Variants in MBOAT1 observed in about 807,000 individuals in gnomAD.
MBOAT1 encodes membrane bound glycerophospholipid O-acyltransferase 1, also known as membrane-bound glycerophospholipid O-acyltransferase 1.
Under a neutral mutation model 64.4 loss-of-function variants are expected in MBOAT1, and 67 were observed. That is an observed-to-expected ratio of 1.04 (90% CI 0.85 to 1.27). The LOEUF is 1.27. MBOAT1 is among the 50% of genes most tolerant of loss of function. The pLI is 0.00. For synonymous variants in MBOAT1, 229 were observed against 218.9 expected (o/e 1.05, Z -0.41); for missense variants, 563 against 604.6 (o/e 0.93, Z 0.72).
intron 1 of MBOAT1, among the ~76,000 whole-genome samples, chr6:20,162,231 C>T (rs965967494): frequency 6.6e-6 from 1 of 152,170 alleles, no homozygotes; most frequent in Admixed American, 6.5e-5. Context: ...ATTTGGCCCA[C>T]AACACTGCCC....
Position 20,109,586 on chromosome 6 carries a change from A to G in MBOAT1, c.1361+12T>C. On this transcript the variant is annotated intron_variant, in intron 12 of 12. Coordinates refer to ENST00000324607, the MANE Select transcript of MBOAT1 (RefSeq NM_001080480.3). ...ATTTACGAGATGGCAACTGAGAACA[A>G]CGGAAACTTACTTGTATAAGCTGAT... 1.2e-6 allele frequency: 2 copies of G among 1,605,324 alleles called. No individual in the cohort carries two copies. The highest frequency in any genetic ancestry group is 1.7e-6 in the Non-Finnish European group (2 of 1,174,398).
chr6:20,183,086 T>C (rs1195871307), intron 1 of MBOAT1, among the ~76,000 whole-genome samples: 1 of 152,156 alleles, frequency 6.6e-6, no homozygotes, highest in Non-Finnish European at 1.5e-5. Flanking sequence ...GGCCAACCTG[T>C]AGCCACAGAG....
intron 3 of MBOAT1, among the ~76,000 whole-genome samples, chr6:20,145,183 C>A (rs763156756): frequency 1.3e-5 from 2 of 151,918 alleles, no homozygotes. Context: ...GAGAGCAGAG[C>A]CTTCATAAAT....
chr6:20,154,269 C>T lies in MBOAT1; in HGVS notation c.100-1500G>A, dbSNP rs553465621. Among the ~76,000 whole-genome samples the T allele has an allele frequency of 9.2e-5, 14 of 152,306 alleles. No individual in the cohort carries two copies. In the South Asian group the frequency reaches 2.3e-3, roughly 25 times the overall value. On this transcript the variant is annotated intron_variant, in intron 1 of 12. Transcript: ENST00000324607. ...ACCGTTGGCCAGGCGCGGTGGCTCA[C>T]GCCTGTAATCCCAGCACTTTGGGAA...
At chr6:20,117,907 G>C (rs1488500880) in intron 9 of MBOAT1, among the ~76,000 whole-genome samples, 3 of 152,172 alleles carry the variant, frequency 2.0e-5, no homozygotes, top group Non-Finnish European at 2.9e-5. Context: ...AATGAGAGCA[G>C]ACCAAAAATT....
At position 20,113,134 on chromosome 6, in the gene MBOAT1, C is replaced by T. The variant is rs536032061; in HGVS notation, c.1077-126G>A. 7.6e-5 allele frequency: 89 copies of T among 1,166,970 alleles called. 2 individuals carry two copies. In the South Asian group the frequency reaches 1.4e-3, roughly 18 times the overall value. 72.3% of individuals were successfully genotyped at this position (1,166,970 alleles called of 1,614,324 possible). A position where few individuals can be genotyped will look rare whatever the true frequency, so the allele number is the denominator to read the frequency against. On this transcript the variant is annotated intron_variant, in intron 10 of 12. Coordinates refer to ENST00000324607, the MANE Select transcript of MBOAT1 (RefSeq NM_001080480.3). ...GTTACTGATGAGATGCCTCCCTAAC[C>T]GTCTTCGGGGACTTGCAGTGCAATC...
intron 8 of MBOAT1, among the ~76,000 whole-genome samples, chr6:20,120,270 T>C (rs1374231237): frequency 6.6e-6 from 1 of 152,076 alleles, no homozygotes; most frequent in Non-Finnish European, 1.5e-5. Context: ...TAAAGGGCTG[T>C]TGAAAGGATT....
chr6:20,180,850 C>G (rs561411995), intron 1 of MBOAT1, among the ~76,000 whole-genome samples: 1 of 152,276 alleles, frequency 6.6e-6, no homozygotes, highest in South Asian at 2.1e-4. Flanking sequence ...AATGGCATCT[C>G]TTACATAAAC....
At chr6:20,190,186 A>G (rs1041260215) in intron 1 of MBOAT1, among the ~76,000 whole-genome samples, 3 of 151,786 alleles carry the variant, frequency 2.0e-5, no homozygotes, top group Non-Finnish European at 4.4e-5. Flanking sequence ...GTAGAGATGG[A>G]GTTCCACTAT....
In MBOAT1 at chr6:20,149,015, C is replaced by T. The variant is rs1761410944; in HGVS notation, c.323+2170G>A. Among the ~76,000 whole-genome samples, 3 of 150,348 alleles carry T rather than the reference C, an allele frequency of 2.0e-5. No individual in the cohort carries two copies. The Admixed American group carries it at 2.0e-4, about 10-fold the overall frequency. The stretch of plus-strand genomic sequence containing the variant: ...ACTCGGAAGGCTGAGGCAGGAAAAT[C>T]ACTTGAACCCGGGAGGTGGAGGTTG... On this transcript the variant is annotated intron_variant, in intron 3 of 12. Coordinates refer to ENST00000324607, the MANE Select transcript of MBOAT1 (RefSeq NM_001080480.3).
rs1016650323 is a variant in MBOAT1 at position 20,212,339 on chromosome 6, G to A, written c.-105C>T. 125 of 1,030,780 alleles carry A rather than the reference G, an allele frequency of 1.2e-4. No individual in the cohort carries two copies. The highest frequency in any genetic ancestry group is 4.4e-4 in the Admixed American group (19 of 42,810). 63.9% of individuals were successfully genotyped at this position (1,030,780 alleles called of 1,614,324 possible). On this transcript the variant is annotated 5_prime_UTR_variant, in exon 1 of 13. Transcript: ENST00000324607. ...GGGTGGTTGCCCCGAGAGGCGCACG[G>A]CCGCCTGGTTCGCGGGGGAGCGAAC...
At chr6:20,124,702 C>G in intron 7 of MBOAT1, 102 bp from the exon 8 acceptor site, 1 of 1,036,184 alleles carries the variant, frequency 9.7e-7, no homozygotes, top group East Asian at 2.4e-5. Context: ...CCAACAGCTG[C>G]TTGGCATTAT....
intron 1 of MBOAT1, among the ~76,000 whole-genome samples, chr6:20,207,251 T>C (rs1210022207): frequency 6.6e-6 from 1 of 152,206 alleles, no homozygotes; most frequent in Non-Finnish European, 1.5e-5. Flanking sequence ...CCTCCATCCC[T>C]ACTTCCTTCA....
At chr6:20,204,563 G>C (rs533781475) in intron 1 of MBOAT1, among the ~76,000 whole-genome samples, 3 of 152,180 alleles carry the variant, frequency 2.0e-5, no homozygotes, top group African/African-American at 7.2e-5. Context: ...TGGCCCTGGT[G>C]GGGAGGGAGG....
At chr6:20,168,208 C>A (rs571571492) in intron 1 of MBOAT1, among the ~76,000 whole-genome samples, 5 of 152,106 alleles carry the variant, frequency 3.3e-5, no homozygotes, top group Admixed American at 3.3e-4. Context: ...CTTAGACATA[C>A]ACATTTGAAA....
At position 20,144,303 on chromosome 6, in the gene MBOAT1, A is replaced by G; in HGVS notation, c.336T>C (p.Phe112=). The G allele has an allele frequency of 6.2e-7, 1 of 1,608,432 alleles. No homozygotes were observed. The highest frequency in any genetic ancestry group is 1.1e-5 in the South Asian group (1 of 90,504). ...ATATTGTAAGATATCCCATTGCTAC[A>G]AAAAAGGAATATCTGAAAGCAAAAA... is the stretch of plus-strand genomic sequence containing the variant. The part of the protein sequence containing the change: ...SVSNIHRYSF[F]VAMGYLTICH... Residue 112 remains phenylalanine, a synonymous_variant, in exon 4 of 13, where the codon TTT becomes TTC. Transcript: ENST00000324607.
chr6:20,147,909 A>G (rs969478884), intron 3 of MBOAT1, among the ~76,000 whole-genome samples: 5 of 152,230 alleles, frequency 3.3e-5, no homozygotes, highest in Non-Finnish European at 5.9e-5. Context: ...TTGGCTTAAG[A>G]CTTGGCACAA....
At chr6:20,123,553 C>T (rs996912544) in intron 8 of MBOAT1, among the ~76,000 whole-genome samples, 1 of 151,322 alleles carries the variant, frequency 6.6e-6, no homozygotes, top group Non-Finnish European at 1.5e-5. Context: ...CAAGTTATCC[C>T]ACAGGAAAAA....
At chr6:20,187,062 G>A (rs1003027325) in intron 1 of MBOAT1, among the ~76,000 whole-genome samples, 3 of 152,096 alleles carry the variant, frequency 2.0e-5, no homozygotes, top group East Asian at 1.9e-4. Flanking sequence ...TGACTTGCTC[G>A]TTCCGATATT....
Sources: gnomAD v4.1 joint callset for allele counts (sites outside exome capture counted in the v4.1 genomes callset) on GRCh38, gnomAD v4.1.1 for gene constraint, MANE v1.5 for transcripts, NCBI Gene and HGNC (gene_info 2026-07-23, HGNC 2026-07-21) for gene names.